The following ZNF407 variants were observed in gnomAD, a reference collection of about 807,000 sequenced individuals.
ZNF407 encodes zinc finger protein 407.
A neutral mutation model predicts 131.2 loss-of-function variants in ZNF407; 17 were observed. That is an observed-to-expected ratio of 0.13 (90% CI 0.09 to 0.19). The LOEUF (loss-of-function observed/expected upper bound fraction) is 0.19, where lower values mean the gene tolerates loss of function less well. ZNF407 is among the 10% of genes least tolerant of loss of function. The probability of loss-of-function intolerance (pLI) is 1.00; values close to 1 mark genes in which losing one functional copy is unlikely to be tolerated. For synonymous variants in ZNF407, 1,156 were observed against 1,062.0 expected (o/e 1.09, Z -1.72); for missense variants, 2,681 against 2,830.6 (o/e 0.95, Z 1.20).
At position 74,635,447 on chromosome 18, in the gene ZNF407, G is replaced by C; in HGVS notation, c.4428G>C (p.Val1476=). The C allele has an allele frequency of 6.2e-7, 1 of 1,613,522 alleles. No homozygotes were observed. Among genetic ancestry groups the C allele is most frequent in the African/African-American group, 1.3e-5 (1 of 75,054 alleles). Residue 1476 remains valine (V), a synonymous_variant, in exon 2 of 9, where the codon GTG becomes GTC. Coordinates refer to ENST00000299687, the MANE Select transcript of ZNF407 (RefSeq NM_017757.3). The surrounding 1 kb of genome is among the most constrained non-coding windows in gnomAD (Gnocchi z 4.7). ...AGHMRNEQAS[V]EELPEGGATF... ...ACATGAGAAATGAGCAGGCCAGTGTGGAGGAGCTTCCGGAGGGAGGGGCCA... is the reference window on the plus strand; with the variant it reads ...ACATGAGAAATGAGCAGGCCAGTGTCGAGGAGCTTCCGGAGGGAGGGGCCA...
rs928380806 is a variant in ZNF407 at position 74,978,282 on chromosome 18, G to T, written c.5428+57590G>T. Among the ~76,000 whole-genome samples the T allele has an allele frequency of 5.9e-5, 9 of 152,182 alleles. No homozygotes were observed. The East Asian group carries it at 1.5e-3, about 26-fold the overall frequency. ...TAGCTCTAGAGCTCAGAAGAGAGCAGTGTTGATTGTGGAAGATCTTGGAGT... is the reference window on the plus strand; with the variant it reads ...TAGCTCTAGAGCTCAGAAGAGAGCATTGTTGATTGTGGAAGATCTTGGAGT... On this transcript the variant is annotated intron_variant, in intron 8 of 8. Coordinates refer to ENST00000299687, the MANE Select transcript of ZNF407 (RefSeq NM_017757.3).
At chr18:74,736,076 C>G (rs182044184) in intron 3 of ZNF407, among the ~76,000 whole-genome samples, 1 of 152,136 alleles carries the variant, frequency 6.6e-6, no homozygotes, top group Admixed American at 6.5e-5. Context: ...ATGCTAAGGA[C>G]GAGACCTAGT....
rs1416059647 is a variant in ZNF407 at position 74,745,644 on chromosome 18, A to G, written c.4803-35784A>G. Reference sequence around the variant, plus strand: ...TGTTTTATGTTAGTTGCTTTAACATACTTTCTCCATCAATTTTGGGAAAAC... The same window carrying G: ...TGTTTTATGTTAGTTGCTTTAACATGCTTTCTCCATCAATTTTGGGAAAAC... On this transcript the variant is annotated intron_variant, in intron 3 of 8. Transcript: ENST00000299687. Among the ~76,000 whole-genome samples the G allele has an allele frequency of 3.9e-5, 6 of 152,320 alleles. No individual in the cohort carries two copies. In the South Asian group the frequency reaches 6.2e-4, roughly 16 times the overall value.
intron 8 of ZNF407, among the ~76,000 whole-genome samples, chr18:75,001,464 C>A (rs772873900): frequency 6.6e-6 from 1 of 152,158 alleles, no homozygotes; most frequent in Non-Finnish European, 1.5e-5. Flanking sequence ...TAACAGTCCT[C>A]TCTGGGCAAA....
intron 8 of ZNF407, among the ~76,000 whole-genome samples, chr18:74,921,771 TG>T (rs1349540329): frequency 6.6e-6 from 1 of 152,138 alleles, no homozygotes; most frequent in African/African-American, 2.4e-5. Context: ...TGCCATATGA[TG>T]GGGTCGTTAG....
At chr18:74,950,484 G>A (rs1036060759) in intron 8 of ZNF407, among the ~76,000 whole-genome samples, 12 of 152,116 alleles carry the variant, frequency 7.9e-5, no homozygotes, top group Admixed American at 2.0e-4. Context: ...ATTTATCAAG[G>A]TATGAAAACT....
Position 74,634,929 on chromosome 18 carries a change from G to C in ZNF407, c.3910G>C (p.Gly1304Arg), listed in dbSNP as rs1984373312. ...AGGTGTCCAAGAAGATCCCGTTCTG[G>C]GGAATAAGGAAATTCTGATGAATTC... is the stretch of plus-strand genomic sequence containing the variant. The part of the protein sequence containing the change: ...LKGVQEDPVL[G>R]NKEILMNSQH... The change falls in exon 2 of 9, where the codon GGG (glycine) becomes CGG (arginine). Residue 1304 changes from glycine to arginine, a missense_variant. Coordinates refer to ENST00000299687, the MANE Select transcript of ZNF407 (RefSeq NM_017757.3). 1 of 1,613,954 alleles carries C rather than the reference G, an allele frequency of 6.2e-7. No homozygotes were observed. The highest frequency in any genetic ancestry group is 1.3e-5 in the African/African-American group (1 of 75,060).
intron 4 of ZNF407, among the ~76,000 whole-genome samples, chr18:74,823,097 A>G (rs1970363320): frequency 6.6e-6 from 1 of 152,018 alleles, no homozygotes; most frequent in Non-Finnish European, 1.5e-5. Flanking sequence ...GGAATTTCAT[A>G]TCCAGCCAAA....
intron 8 of ZNF407, among the ~76,000 whole-genome samples, chr18:75,035,458 C>G (rs1973297416): frequency 6.6e-6 from 1 of 152,178 alleles, no homozygotes; most frequent in Non-Finnish European, 1.5e-5. Context: ...GATTGACGTT[C>G]AGTATGGCAA....
intron 8 of ZNF407, among the ~76,000 whole-genome samples, chr18:74,966,156 T>A (rs537748316): frequency 6.6e-6 from 1 of 152,228 alleles, no homozygotes; most frequent in African/African-American, 2.4e-5. Context: ...GTGCAGAAGC[T>A]TTTTAACTTG....
intron 1 of ZNF407, among the ~76,000 whole-genome samples, chr18:74,608,833 A>G (rs944951064): frequency 6.6e-6 from 1 of 152,164 alleles, no homozygotes; most frequent in Non-Finnish European, 1.5e-5. Flanking sequence ...GCATCATATG[A>G]GGAGGTATGT....
intron 8 of ZNF407, among the ~76,000 whole-genome samples, chr18:74,989,987 C>T (rs1972699622): frequency 6.6e-6 from 1 of 151,956 alleles, no homozygotes; most frequent in African/African-American, 2.4e-5. Context: ...GAAAATCAAA[C>T]ATCTAATATT....
chr18:74,787,910 T>C (rs974244244), intron 4 of ZNF407, among the ~76,000 whole-genome samples: 3 of 152,214 alleles, frequency 2.0e-5, no homozygotes, highest in African/African-American at 7.2e-5. Context: ...AGGATGCTGT[T>C]CATGGAAATA....
intron 8 of ZNF407, among the ~76,000 whole-genome samples, chr18:74,923,412 T>C (rs1408903196): frequency 3.3e-5 from 5 of 152,126 alleles, no homozygotes; most frequent in Non-Finnish European, 7.4e-5. Flanking sequence ...TTAAAATTTG[T>C]GTAGACTTTT....
intron 4 of ZNF407, among the ~76,000 whole-genome samples, chr18:74,849,734 A>G (rs1329732741): frequency 1.3e-5 from 2 of 152,232 alleles, no homozygotes; most frequent in Non-Finnish European, 2.9e-5. Flanking sequence ...CCTGAGACTT[A>G]CCACCATGGG....
chr18:74,764,579 G>A (rs566496974), intron 3 of ZNF407, among the ~76,000 whole-genome samples: 1 of 152,292 alleles, frequency 6.6e-6, no homozygotes, highest in East Asian at 1.9e-4. Flanking sequence ...AACTATTTAT[G>A]TAGCTTTTAG....
At chr18:74,748,281 T>C (rs77852593) in intron 3 of ZNF407, among the ~76,000 whole-genome samples, 2,066 of 151,172 alleles carry the variant, frequency 0.014, 26 homozygotes, top group East Asian at 0.067. Context: ...TTAAAAATTC[T>C]TTCTTTTTTT....
At chr18:74,663,307 G>C (rs149130039) in intron 3 of ZNF407, among the ~76,000 whole-genome samples, 98 of 152,246 alleles carry the variant, frequency 6.4e-4, no homozygotes, top group African/African-American at 2.3e-3. Context: ...GTTACCTACA[G>C]TAGTGGTTTC....
At chr18:74,992,332 G>A (rs1972728335) in intron 8 of ZNF407, among the ~76,000 whole-genome samples, 1 of 152,196 alleles carries the variant, frequency 6.6e-6, no homozygotes, top group Admixed American at 6.5e-5. Context: ...CCCTGGGTGG[G>A]GAGGAGACAG....
Sources: allele counts gnomAD v4.1 joint callset (sites outside exome capture counted in the v4.1 genomes callset), GRCh38; gene constraint gnomAD v4.1.1; non-coding constraint Gnocchi (gnomAD v3.1); transcripts MANE v1.5; gene names NCBI Gene and HGNC (gene_info 2026-07-23, HGNC 2026-07-21).